The following RADIL variants were observed in gnomAD, a reference collection of about 807,000 sequenced individuals.
RADIL encodes the protein Rap associating with DIL domain, also known as ras-associating and dilute domain-containing protein.
Under a neutral mutation model 97.6 loss-of-function variants are expected in RADIL, and 99 were observed. The ratio of observed to expected loss-of-function variants is 1.01; its 90% CI spans 0.86 to 1.20. The LOEUF (loss-of-function observed/expected upper bound fraction) is 1.20, where lower values mean the gene tolerates loss of function less well. Among genes scored for constraint, RADIL ranks in the 50% most tolerant of loss-of-function variants. The pLI, the probability that RADIL is intolerant of heterozygous loss-of-function variation, is 0.00. For synonymous variants in RADIL, 803 were observed against 691.8 expected, an observed-to-expected ratio of 1.16 and a Z score of -2.52; for missense variants, 1,765 against 1,498.9, an observed-to-expected ratio of 1.18 and a Z score of -2.93.
chr7:4,813,475 G>A lies in RADIL; in HGVS notation c.2139+1803C>T, dbSNP rs994186284. Among the ~76,000 whole-genome samples, 7 of 152,180 alleles carry A rather than the reference G, an allele frequency of 4.6e-5. No individual in the cohort carries two copies. The highest frequency in any genetic ancestry group is 9.7e-5 in the African/African-American group (4 of 41,440). On this transcript the variant is annotated intron_variant, in intron 9 of 14. Transcript: ENST00000399583. This position sits in a 1 kb window ranked among gnomAD's most constrained non-coding sequence, Gnocchi z 5.0. Reference sequence around the variant, plus strand: ...TTGGCAAGTGTCTTAGGGAAAAGCCGGCCATGCAATTCAGGCCCCTGAAGT... The same window carrying A: ...TTGGCAAGTGTCTTAGGGAAAAGCCAGCCATGCAATTCAGGCCCCTGAAGT...
In RADIL at chr7:4,840,414, G is replaced by A. The variant is rs1783410615; in HGVS notation, c.536-3809C>T. On this transcript the variant is annotated intron_variant, in intron 2 of 14. Coordinates refer to ENST00000399583, the MANE Select transcript of RADIL (RefSeq NM_018059.5). This position sits in a 1 kb window ranked among gnomAD's most constrained non-coding sequence, Gnocchi z 5.6. ...GCACGTGGAGAGCATCCCTCGTGAT[G>A]CTGACCCCAGCCACCTTCAGAAGCA... Among the ~76,000 whole-genome samples the A allele has an allele frequency of 6.6e-6, 1 of 152,156 alleles. No homozygotes were observed. Among genetic ancestry groups the A allele is most frequent in the African/African-American group, 2.4e-5 (1 of 41,440 alleles).
intron 9 of RADIL, among the ~76,000 whole-genome samples, chr7:4,806,802 G>A (rs1172278230): frequency 6.6e-6 from 1 of 152,180 alleles, no homozygotes; most frequent in African/African-American, 2.4e-5. Flanking sequence ...AACTCCAGGC[G>A]GGAGGGCGTC....
At chr7:4,816,609 T>C in intron 7 of RADIL, 144 bp from the exon 8 acceptor site, 1 of 674,084 alleles carries the variant, frequency 1.5e-6, no homozygotes, top group Non-Finnish European at 2.6e-6. Flanking sequence ...AGGCCATGGC[T>C]TTGCAAATGT....
At chr7:4,833,973 G>C (rs1877523) in intron 4 of RADIL, among the ~76,000 whole-genome samples, 3 of 151,896 alleles carry the variant, frequency 2.0e-5, no homozygotes, top group Admixed American at 6.6e-5. Context: ...GGTGGAGGCC[G>C]GGGATGCTGC....
At chr7:4,830,573 C>A (rs1382963299) in intron 5 of RADIL, among the ~76,000 whole-genome samples, 1 of 152,104 alleles carries the variant, frequency 6.6e-6, no homozygotes, top group African/African-American at 2.4e-5. Flanking sequence ...GGGCCTCGTG[C>A]AGCCATAAAA....
At chr7:4,811,223 A>T (rs1183091505) in intron 9 of RADIL, 1 of 152,098 alleles carries the variant, frequency 6.6e-6, no homozygotes, top group African/African-American at 2.4e-5. Flanking sequence ...CGAGTGGAGA[A>T]GAAACAACAA....
intron 2 of RADIL, among the ~76,000 whole-genome samples, chr7:4,863,316 ATACT>A (rs779189870): frequency 3.9e-5 from 6 of 152,208 alleles, no homozygotes; most frequent in Non-Finnish European, 5.9e-5. Flanking sequence ...CGTGTTAAAC[ATACT>A]TATTTAGTAC....
In RADIL at chr7:4,873,879, G is replaced by C. The variant is rs1031971930; in HGVS notation, c.535+3726C>G. Among the ~76,000 whole-genome samples the C allele has an allele frequency of 5.3e-5, 8 of 152,222 alleles. 1 individual carries two copies. The highest frequency in any genetic ancestry group is 3.9e-4 in the Admixed American group (6 of 15,280). ...ATTCTTCCACGTCACTCCAACCTGA[G>C]GCAGGCTGGCGCCCACGGCTGCTGG... On this transcript the variant is annotated intron_variant, in intron 2 of 14. Coordinates refer to ENST00000399583, the MANE Select transcript of RADIL (RefSeq NM_018059.5). The surrounding 1 kb of genome is among the most constrained non-coding windows in gnomAD (Gnocchi z 4.3).
At chr7:4,823,136 T>C (rs562166444) in intron 5 of RADIL, among the ~76,000 whole-genome samples, 3 of 152,206 alleles carry the variant, frequency 2.0e-5, no homozygotes, top group African/African-American at 4.8e-5. Flanking sequence ...AGCATGAGAT[T>C]TGAAGACTCA....
At chr7:4,802,207 G>A (rs1309799356) in intron 11 of RADIL, among the ~76,000 whole-genome samples, 1 of 152,220 alleles carries the variant, frequency 6.6e-6, no homozygotes, top group East Asian at 1.9e-4. Flanking sequence ...GGACTCCCGG[G>A]GTTCCCAGAG....
intron 11 of RADIL, among the ~76,000 whole-genome samples, chr7:4,802,678 C>T (rs1429797524): frequency 1.7e-5 from 2 of 115,578 alleles, no homozygotes; most frequent in Non-Finnish European, 3.7e-5. Context: ...GCCCCCTCCC[C>T]GGGTACCTCG....
chr7:4,853,999 G>T (rs1341530079), intron 2 of RADIL, among the ~76,000 whole-genome samples: 4 of 152,266 alleles, frequency 2.6e-5, no homozygotes, highest in African/African-American at 9.6e-5. Flanking sequence ...AAAGATGAGG[G>T]GATGCCGCTG....
chr7:4,820,930 G>T (rs1038442670), intron 6 of RADIL, among the ~76,000 whole-genome samples: 1 of 152,214 alleles, frequency 6.6e-6, no homozygotes, highest in Non-Finnish European at 1.5e-5. Flanking sequence ...AAGGCATGGG[G>T]GGGCACAGCA....
In RADIL at chr7:4,798,807, A is replaced by G. The variant is rs77769319; in HGVS notation, c.*571T>C. 201 of 153,552 alleles carry G rather than the reference A, an allele frequency of 1.3e-3. 4 individuals are homozygous for G. The East Asian group carries it at 0.034, about 26-fold the overall frequency. 9.5% of individuals were successfully genotyped at this position (153,552 alleles called of 1,614,324 possible). ...GACCATCAGGCCGGTCCACTTTCCA[A>G]CGCCTGGGTGTCTAGACCTTTCTCT... On this transcript the variant is annotated 3_prime_UTR_variant, in exon 15 of 15. Coordinates refer to ENST00000399583, the MANE Select transcript of RADIL (RefSeq NM_018059.5).
At chr7:4,799,506 G>A in intron 14 of RADIL, 23 bp from the exon 15 acceptor site, 1 of 1,613,690 alleles carries the variant, frequency 6.2e-7, no homozygotes, top group Non-Finnish European at 8.5e-7. Context: ...CCAGAGGTGG[G>A]GGTGGGCAGG....
rs1028647771 is a variant in RADIL at position 4,835,295 on chromosome 7, C to T, written c.784-56G>A. On this transcript the variant is annotated intron_variant, in intron 3 of 14. Transcript: ENST00000399583. This position sits in a 1 kb window ranked among gnomAD's most constrained non-coding sequence, Gnocchi z 5.8. ...TAACGCGAGCAGCACACGGGAAAAGCGTCCCGTGTCTAGTCACTGGTTGCT... is the reference window on the plus strand; with the variant it reads ...TAACGCGAGCAGCACACGGGAAAAGTGTCCCGTGTCTAGTCACTGGTTGCT... The T allele has an allele frequency of 5.7e-6, 9 of 1,572,672 alleles. No homozygotes were observed. The Admixed American group carries it at 1.1e-4, about 18-fold the overall frequency.
At chr7:4,859,526 C>G (rs1260577760) in intron 2 of RADIL, 1 of 199,176 alleles carries the variant, frequency 5.0e-6, no homozygotes, top group African/African-American at 2.4e-5. Context: ...TCAAGACTGG[C>G]TCAGTAAAGG....
intron 2 of RADIL, among the ~76,000 whole-genome samples, chr7:4,843,445 C>T (rs1783495691): frequency 6.6e-6 from 1 of 152,142 alleles, no homozygotes; most frequent in South Asian, 2.1e-4. Context: ...GCACCCTTTT[C>T]TAAGCTAGCA....
At position 4,834,897 on chromosome 7, in the gene RADIL, G is replaced by A; in HGVS notation, c.1126C>T (p.Pro376Ser). ...ARALARLRAV[P>S]QSCRLCGAAL... ...GCCCCGCACAGCCGGCAGCTCTGCG[G>A]CACAGCCCGGAGGCGCGCCAAGGCC... The change falls in exon 4 of 15, where the codon CCG (proline) becomes TCG (serine). Residue 376 changes from proline (P) to serine (S), a missense_variant. Transcript: ENST00000399583. The surrounding 1 kb of genome is among the most constrained non-coding windows in gnomAD (Gnocchi z 6.0). 1.3e-6 allele frequency: 2 copies of A among 1,482,182 alleles called. No individual in the cohort carries two copies. The highest frequency in any genetic ancestry group is 1.4e-5 in the South Asian group (1 of 73,212). 91.8% of individuals were successfully genotyped at this position (1,482,182 alleles called of 1,614,324 possible).
Sources: allele counts gnomAD v4.1 joint callset (sites outside exome capture counted in the v4.1 genomes callset), GRCh38; gene constraint gnomAD v4.1.1; non-coding constraint Gnocchi (gnomAD v3.1); transcripts MANE v1.5; gene names NCBI Gene and HGNC (gene_info 2026-07-23, HGNC 2026-07-21).